Variants in CASQ2 observed in about 807,000 individuals in gnomAD.
CASQ2 encodes calsequestrin-2.
A neutral mutation model predicts 46.5 loss-of-function variants in CASQ2; 49 were observed. The observed-to-expected ratio is 1.05, with a 90% confidence interval of 0.84 to 1.34. The LOEUF is 1.34. Among genes scored for constraint, CASQ2 ranks in the 40% most tolerant of loss-of-function variants. The probability of loss-of-function intolerance (pLI) is 0.00; values close to 1 mark genes in which losing one functional copy is unlikely to be tolerated. For synonymous variants in CASQ2, 174 were observed against 168.5 expected, an observed-to-expected ratio of 1.03 and a Z score of -0.25; for missense variants, 486 against 481.3, an observed-to-expected ratio of 1.01 and a Z score of -0.09.
chr1:115,762,980 T>C (rs1649013716), intron 1 of CASQ2, among the ~76,000 whole-genome samples: 1 of 152,198 alleles, frequency 6.6e-6, no homozygotes, highest in South Asian at 2.1e-4. Flanking sequence ...TGTCATGTTG[T>C]CATGTGACCA....
At chr1:115,751,817 A>C (rs559219728) in intron 1 of CASQ2, among the ~76,000 whole-genome samples, 2 of 152,160 alleles carry the variant, frequency 1.3e-5, no homozygotes, top group African/African-American at 4.8e-5. Flanking sequence ...ATTTCCATGC[A>C]CTCAGGATGA....
At chr1:115,701,640 G>C (rs1490405944) in intron 10 of CASQ2, among the ~76,000 whole-genome samples, 1 of 152,182 alleles carries the variant, frequency 6.6e-6, no homozygotes, top group African/African-American at 2.4e-5. Flanking sequence ...CCATTGCCCA[G>C]TGGAATATAT....
chr1:115,718,756 C>A (rs747512551), intron 7 of CASQ2, among the ~76,000 whole-genome samples: 3 of 152,210 alleles, frequency 2.0e-5, no homozygotes, highest in African/African-American at 7.2e-5. Context: ...GCAAACAAGG[C>A]GCATTTCATG....
intron 1 of CASQ2, among the ~76,000 whole-genome samples, chr1:115,747,736 A>T (rs7538982): frequency 0.2 from 30,681 of 152,172 alleles, 4,473 homozygotes; most frequent in African/African-American, 0.41. Flanking sequence ...CAGCTACTGT[A>T]AATTGTATTG....
intron 5 of CASQ2, among the ~76,000 whole-genome samples, chr1:115,730,309 T>C (rs1410829497): frequency 6.6e-6 from 1 of 152,234 alleles, no homozygotes; most frequent in Non-Finnish European, 1.5e-5. Context: ...CATCTCACCC[T>C]CTTTACAGTC....
chr1:115,737,017 C>T (rs1374053286), intron 4 of CASQ2, among the ~76,000 whole-genome samples: 1 of 152,118 alleles, frequency 6.6e-6, no homozygotes, highest in African/African-American at 2.4e-5. Context: ...TTGCTTCCCT[C>T]TTATCTGCCA....
At chr1:115,718,159 A>C (rs183118357) in intron 7 of CASQ2, among the ~76,000 whole-genome samples, 10 of 152,356 alleles carry the variant, frequency 6.6e-5, no homozygotes, top group Non-Finnish European at 1.5e-4. Context: ...AACCACACGC[A>C]AGACATTAGC....
chr1:115,713,411 G>A (rs550778532), intron 8 of CASQ2, among the ~76,000 whole-genome samples: 10 of 152,302 alleles, frequency 6.6e-5, no homozygotes, highest in African/African-American at 1.9e-4. Context: ...CAGCAGGAGA[G>A]ATCTGGCGAT....
chr1:115,746,470 T>C (rs1648393509), intron 1 of CASQ2, among the ~76,000 whole-genome samples: 1 of 152,256 alleles, frequency 6.6e-6, no homozygotes, highest in Admixed American at 6.5e-5. Flanking sequence ...TAATCCAGTT[T>C]TTCCACGTCT....
chr1:115,733,004 G>T, intron 4 of CASQ2, 30 bp from the exon 5 acceptor site: 1 of 1,462,048 alleles, frequency 6.8e-7, no homozygotes, highest in Non-Finnish European at 9.6e-7. Flanking sequence ...TGAAGGGAGA[G>T]ACATTTTCAA....
chr1:115,709,550 G>T (rs1166829436), intron 8 of CASQ2, among the ~76,000 whole-genome samples: 1 of 152,152 alleles, frequency 6.6e-6, no homozygotes, highest in African/African-American at 2.4e-5. Context: ...TCTAGACAAA[G>T]CAAGTAGAGG....
chr1:115,768,345 G>T lies in CASQ2; in HGVS notation c.197C>A (p.Thr66Lys). 6.2e-7 allele frequency: 1 copy of T among 1,613,754 alleles called. No individual in the cohort carries two copies. Among genetic ancestry groups the T allele is most frequent in the South Asian group, 1.1e-5 (1 of 91,072 alleles). The change falls in exon 1 of 11, where the codon ACG (threonine) becomes AAG (lysine). Residue 66 changes from threonine (T) to lysine (K), a missense_variant. Physicochemically the swap from Thr to Lys is moderately conservative, Grantham distance 78. Coordinates refer to ENST00000261448, the MANE Select transcript of CASQ2 (RefSeq NM_001232.4). ...YHEPVSSDKV[T>K]QKQFQLKEIV... Reference sequence around the variant, plus strand: ...TTCTTTCAGTTGGAACTGTTTTTGCGTGACCTTATCTGAAGACACCGGCTC... The same window carrying T: ...TTCTTTCAGTTGGAACTGTTTTTGCTTGACCTTATCTGAAGACACCGGCTC...
At chr1:115,703,407 G>C (rs1308046348) in intron 9 of CASQ2, among the ~76,000 whole-genome samples, 2 of 152,120 alleles carry the variant, frequency 1.3e-5, no homozygotes, top group Non-Finnish European at 2.9e-5. Flanking sequence ...TAAGAAGAAG[G>C]CTTCTTCATT....
rs1223449395 is a variant in CASQ2 at position 115,757,669 on chromosome 1, C to T, written c.234+10639G>A. 3.3e-5 allele frequency among the ~76,000 whole-genome samples: 5 copies of T among 152,272 alleles called. No individual in the cohort carries two copies. In the East Asian group the frequency reaches 9.7e-4, roughly 29 times the overall value. Reference sequence around the variant, plus strand: ...GGGTCAGCCTTATAAAGCTTGGAGGCTTCTGCCCACGTGCATATATATTTT... The same window carrying T: ...GGGTCAGCCTTATAAAGCTTGGAGGTTTCTGCCCACGTGCATATATATTTT... On this transcript the variant is annotated intron_variant, in intron 1 of 10. Coordinates refer to ENST00000261448, the MANE Select transcript of CASQ2 (RefSeq NM_001232.4).
chr1:115,722,533 G>A (rs1414902968), intron 7 of CASQ2, among the ~76,000 whole-genome samples: 2 of 152,162 alleles, frequency 1.3e-5, no homozygotes, highest in Admixed American at 6.5e-5. Flanking sequence ...ATGACAGGAA[G>A]GAAAGACCTG....
At chr1:115,718,188 C>T (rs950192885) in intron 7 of CASQ2, among the ~76,000 whole-genome samples, 5 of 152,218 alleles carry the variant, frequency 3.3e-5, no homozygotes, top group African/African-American at 1.2e-4. Context: ...AGCCTCACTC[C>T]TGTGGTCTGG....
At chr1:115,703,059 C>A in intron 9 of CASQ2, 64 bp from the exon 10 acceptor site, 2 of 1,290,572 alleles carry the variant, frequency 1.5e-6, no homozygotes, top group East Asian at 2.4e-5. Context: ...AGGACCCACC[C>A]GCCGTCCCAT....
chr1:115,758,727 CT>C (rs1416248856), intron 1 of CASQ2, among the ~76,000 whole-genome samples: 4 of 152,184 alleles, frequency 2.6e-5, no homozygotes, highest in African/African-American at 9.6e-5. Context: ...TTTTCTCTCT[CT>C]CTCGCTTCCT....
chr1:115,741,237 T>G (rs1487221739), intron 2 of CASQ2, among the ~76,000 whole-genome samples: 2 of 152,232 alleles, frequency 1.3e-5, no homozygotes, highest in Non-Finnish European at 2.9e-5. Context: ...TAGGTAGACT[T>G]GTACTCCTTT....
Sources: allele counts gnomAD v4.1 joint callset (sites outside exome capture counted in the v4.1 genomes callset), GRCh38; gene constraint gnomAD v4.1.1; transcripts MANE v1.5; gene names NCBI Gene and HGNC (gene_info 2026-07-23, HGNC 2026-07-21).